SENP7: variants seen among roughly 807,000 people sequenced by gnomAD.
SENP7 encodes sentrin-specific protease 7.
SENP7 carries 64 observed loss-of-function variants against 141.2 expected under a neutral mutation model. That is an observed-to-expected ratio of 0.45 (90% CI 0.37 to 0.56). The LOEUF is 0.56. Ranked by LOEUF, SENP7 falls within the 20% of genes least tolerant of loss-of-function variation. The probability of loss-of-function intolerance (pLI) is 0.00; values close to 1 mark genes in which losing one functional copy is unlikely to be tolerated. For missense variants in SENP7, 1,025 were observed against 1,212.2 expected (o/e 0.85, Z 2.29); for synonymous variants, 382 against 426.4 (o/e 0.90, Z 1.28).
chr3:101,399,564 A>G (rs1319219813), intron 5 of SENP7, among the ~76,000 whole-genome samples: 2 of 152,246 alleles, frequency 1.3e-5, no homozygotes, highest in Non-Finnish European at 2.9e-5. Flanking sequence ...CAGCACATAT[A>G]ATGGTGATAA....
intron 6 of SENP7, among the ~76,000 whole-genome samples, chr3:101,394,580 T>C (rs1004009131): frequency 7.2e-4 from 110 of 152,004 alleles, no homozygotes; most frequent in African/African-American, 2.6e-3. Flanking sequence ...TGGCGCAATC[T>C]CGGCCCACTG....
chr3:101,506,842 G>A (rs1467187504), intron 1 of SENP7, among the ~76,000 whole-genome samples: 3 of 152,164 alleles, frequency 2.0e-5, no homozygotes, highest in East Asian at 1.9e-4. Context: ...CGCTTGAGGC[G>A]AAGAGTTCAA....
intron 3 of SENP7, among the ~76,000 whole-genome samples, chr3:101,477,842 C>A (rs2064282575): frequency 6.7e-6 from 1 of 148,424 alleles, no homozygotes; most frequent in South Asian, 2.1e-4. Context: ...CAGAGTGAGT[C>A]TCCATCTCAA....
At chr3:101,405,889 G>T (rs576633083) in intron 5 of SENP7, among the ~76,000 whole-genome samples, 28 of 152,148 alleles carry the variant, frequency 1.8e-4, no homozygotes, top group African/African-American at 6.5e-4. Context: ...AAAGAAAAAA[G>T]AATAAGAAAA....
At chr3:101,364,687 TCAAACTAC>T in intron 10 of SENP7, 139 bp downstream of exon 10, 1 of 518,180 alleles carries the variant, frequency 1.9e-6, no homozygotes, top group Non-Finnish European at 3.3e-6. Context: ...CGTATTTCAC[TCAAACTAC>T]TATAAAAGTT....
At chr3:101,350,946 T>A (rs13078607) in intron 12 of SENP7, among the ~76,000 whole-genome samples, 1 of 152,050 alleles carries the variant, frequency 6.6e-6, no homozygotes, top group African/African-American at 2.4e-5. Context: ...ATAAAGTATC[T>A]GTGGAATCCA....
At chr3:101,469,296 CAAT>C (rs1017667262) in intron 3 of SENP7, among the ~76,000 whole-genome samples, 13 of 152,014 alleles carry the variant, frequency 8.6e-5, no homozygotes, top group African/African-American at 2.2e-4. Context: ...CCCCACACAA[CAAT>C]AATGAGAGAC....
At chr3:101,466,001 G>C (rs2063746302) in intron 3 of SENP7, among the ~76,000 whole-genome samples, 1 of 151,956 alleles carries the variant, frequency 6.6e-6, no homozygotes, top group African/African-American at 2.4e-5. Flanking sequence ...ATACAGTTGA[G>C]AGCCTCAACA....
intron 1 of SENP7, among the ~76,000 whole-genome samples, chr3:101,511,669 G>A (rs1438897102): frequency 6.6e-6 from 1 of 152,346 alleles, no homozygotes; most frequent in East Asian, 1.9e-4. Flanking sequence ...GGTTGCATAT[G>A]AAAAGGGATT....
rs112803977 is a variant in SENP7 at position 101,405,280 on chromosome 3, C to G, written c.483-6225G>C. On this transcript the variant is annotated intron_variant, in intron 5 of 23. Transcript: ENST00000394095. ...GACTCTGTGCAGACAACCGCCAGTACCAGCCCAGAGCCTGGTAGAATAGCT... is the reference window on the plus strand; with the variant it reads ...GACTCTGTGCAGACAACCGCCAGTAGCAGCCCAGAGCCTGGTAGAATAGCT... Among the ~76,000 whole-genome samples, 20 of 152,266 alleles carry G rather than the reference C, an allele frequency of 1.3e-4. 1 individual carries two copies. The highest frequency in any genetic ancestry group is 4.8e-4 in the African/African-American group (20 of 41,536).
intron 4 of SENP7, among the ~76,000 whole-genome samples, chr3:101,424,662 C>T (rs1200707071): frequency 6.6e-6 from 1 of 152,112 alleles, no homozygotes; most frequent in Admixed American, 6.6e-5. Flanking sequence ...CCCGTGCCAA[C>T]ATCACCAACA....
chr3:101,396,774 A>G (rs1173779952), intron 6 of SENP7, among the ~76,000 whole-genome samples: 1 of 152,220 alleles, frequency 6.6e-6, no homozygotes, highest in Non-Finnish European at 1.5e-5. Flanking sequence ...AGCTCATGGT[A>G]TAGCAGAGGA....
In SENP7 at chr3:101,494,070, CTGTTT is replaced by C. The variant is rs1010939452; in HGVS notation, c.91-107_91-103del. The C allele has an allele frequency of 3.0e-5, 17 of 563,604 alleles. No homozygotes were observed. The Admixed American group carries it at 4.8e-4, about 16-fold the overall frequency. The allele number at this position is 563,604 out of a possible 1,614,324, so 34.9% of individuals were successfully genotyped here. A position where few individuals can be genotyped will look rare whatever the true frequency, so the allele number is the denominator to read the frequency against. ...CTACCCTGCATCAATAATTTGCTAA[CTGTTT>C]TAAGGAGTTTTAAATTCAGTGCTTA... On this transcript the variant is annotated intron_variant, in intron 2 of 23. Coordinates refer to ENST00000394095, the MANE Select transcript of SENP7 (RefSeq NM_020654.5).
At chr3:101,498,187 T>C (rs531392020) in intron 2 of SENP7, among the ~76,000 whole-genome samples, 2 of 152,322 alleles carry the variant, frequency 1.3e-5, no homozygotes, top group Non-Finnish European at 2.9e-5. Context: ...GGAGGCAAGA[T>C]ACACTGATAG....
Position 101,503,401 on chromosome 3 carries a change from A to G in SENP7, c.41-2282T>C, listed in dbSNP as rs571687026. Among the ~76,000 whole-genome samples the G allele has an allele frequency of 9.7e-4, 148 of 152,390 alleles. 2 individuals are homozygous for G. The highest frequency in any genetic ancestry group is 3.1e-3 in the African/African-American group (130 of 41,598). On this transcript the variant is annotated intron_variant, in intron 1 of 23. Coordinates refer to ENST00000394095, the MANE Select transcript of SENP7 (RefSeq NM_020654.5). ...ACTTTTAGATAAATAACCAACAGAA[A>G]TAAGAATATTCAGGTATTTTTGTTC...
chr3:101,384,431 T>G (rs1476766996), intron 6 of SENP7, among the ~76,000 whole-genome samples: 1 of 152,248 alleles, frequency 6.6e-6, no homozygotes, highest in Non-Finnish European at 1.5e-5. Flanking sequence ...GCCAGGGCTG[T>G]GACACCCTCT....
At chr3:101,509,342 C>T (rs535327757) in intron 1 of SENP7, among the ~76,000 whole-genome samples, 37 of 152,254 alleles carry the variant, frequency 2.4e-4, no homozygotes, top group Admixed American at 2.6e-4. Flanking sequence ...CTTTTGTCTA[C>T]TAGTCTACTA....
intron 4 of SENP7, among the ~76,000 whole-genome samples, chr3:101,438,721 G>A (rs2062486969): frequency 6.6e-6 from 1 of 152,212 alleles, no homozygotes; most frequent in African/African-American, 2.4e-5. Flanking sequence ...CAACGAATGA[G>A]TAAATAGAAA....
At chr3:101,511,148 C>T (rs942151900) in intron 1 of SENP7, among the ~76,000 whole-genome samples, 5 of 151,910 alleles carry the variant, frequency 3.3e-5, no homozygotes, top group African/African-American at 1.2e-4. Context: ...AGAGAGATCA[C>T]GAGAAAAAGA....
Sources: gnomAD v4.1 joint callset for allele counts (sites outside exome capture counted in the v4.1 genomes callset) on GRCh38, gnomAD v4.1.1 for gene constraint, MANE v1.5 for transcripts, NCBI Gene and HGNC (gene_info 2026-07-23, HGNC 2026-07-21) for gene names.